Variants in EML1 observed in about 807,000 individuals in gnomAD.
EML1 encodes EMAP like 1.
A neutral mutation model predicts 110.4 loss-of-function variants in EML1; 27 were observed. That is an observed-to-expected ratio of 0.24 (90% CI 0.18 to 0.34). The LOEUF is 0.34. Among genes scored for constraint, EML1 ranks in the 10% least tolerant of loss-of-function variants. The pLI is 1.00. For synonymous variants in EML1, 344 were observed against 385.8 expected, an observed-to-expected ratio of 0.89 and a Z score of 1.27; for missense variants, 741 against 1,030.9, an observed-to-expected ratio of 0.72 and a Z score of 3.85.
chr14:99,867,169 T>C lies in EML1; in HGVS notation c.383+1523T>C, dbSNP rs560910545. Among the ~76,000 whole-genome samples, 8 of 152,332 alleles carry C rather than the reference T, an allele frequency of 5.3e-5. No individual in the cohort carries two copies. The East Asian group carries it at 1.5e-3, about 29-fold the overall frequency. ...TACATTCATCCATCAGTGGCTATTC[T>C]GTACCATTTATCTGCACATCTGTCC... is the stretch of plus-strand genomic sequence containing the variant. On this transcript the variant is annotated intron_variant, in intron 3 of 21. Coordinates refer to ENST00000262233, the MANE Select transcript of EML1 (RefSeq NM_004434.3).
At chr14:99,885,556 G>C (rs1447641336) in intron 4 of EML1, among the ~76,000 whole-genome samples, 1 of 152,160 alleles carries the variant, frequency 6.6e-6, no homozygotes, top group African/African-American at 2.4e-5. Context: ...CCACCTATGG[G>C]TAGACAATTT....
chr14:99,936,101 A>C lies in EML1; in HGVS notation c.1982A>C (p.Lys661Thr). The C allele has an allele frequency of 6.2e-7, 1 of 1,614,166 alleles. No homozygotes were observed. The change falls in exon 18 of 22, where the codon AAG becomes ACG. Residue 661 changes from lysine to threonine, a missense_variant. By Grantham distance (78) the Lys-to-Thr change is moderately conservative. Transcript: ENST00000262233. This position sits in a 1 kb window ranked among gnomAD's most constrained non-coding sequence, Gnocchi z 5.5. ...YIYGVSDNGR[K>T]YTRVGKCSGH... ...TATGGCGTTAGTGACAACGGGAGGA[A>C]GTACACGCGAGTGGGCAAGTGCTCG...
chr14:99,750,484 G>A (rs996988955), intron 1 of EML1, among the ~76,000 whole-genome samples: 7 of 152,180 alleles, frequency 4.6e-5, no homozygotes, highest in African/African-American at 1.4e-4. Flanking sequence ...ATTCAAGCTC[G>A]CCACCAAGTG....
intron 2 of EML1, among the ~76,000 whole-genome samples, chr14:99,855,230 A>G (rs1473983753): frequency 2.0e-5 from 3 of 152,260 alleles, no homozygotes; most frequent in Admixed American, 1.3e-4. Context: ...AGTACTGTAT[A>G]GCAAAAGTAA....
chr14:99,903,785 ATTT>A (rs1211025934), intron 9 of EML1, among the ~76,000 whole-genome samples: 1 of 103,280 alleles, frequency 9.7e-6, no homozygotes, highest in Non-Finnish European at 1.8e-5. Context: ...AAATCTATTC[ATTT>A]TTTTTTTTTT....
At chr14:99,928,992 C>T (rs1379911858) in intron 17 of EML1, among the ~76,000 whole-genome samples, 1 of 152,220 alleles carries the variant, frequency 6.6e-6, no homozygotes, top group Non-Finnish European at 1.5e-5. Flanking sequence ...TTTTGAACGT[C>T]TGCTGAAGGC....
chr14:99,787,003 A>G (rs994941184), intron 1 of EML1, among the ~76,000 whole-genome samples: 1 of 152,174 alleles, frequency 6.6e-6, no homozygotes, highest in African/African-American at 2.4e-5. Context: ...ATAAAAATAA[A>G]CAACAATCTT....
At chr14:99,935,781 C>CAAAAAAAAAAAAAAAAAAAAAAAAAAAAA (rs1160100015) in intron 17 of EML1, among the ~76,000 whole-genome samples, 1 of 83,730 alleles carries the variant, frequency 1.2e-5, no homozygotes, top group African/African-American at 4.9e-5. Context: ...GACTCCGTCT[C>CAAAAAAAAAAAAAAAAAAAAAAAAAAAAA]AAAAAAAAAA....
intron 1 of EML1, among the ~76,000 whole-genome samples, chr14:99,804,601 G>A (rs114232443): frequency 0.01 from 1,529 of 152,268 alleles, 22 homozygotes; most frequent in African/African-American, 0.034. Context: ...TGCTCGATGA[G>A]TGAATGATGG....
At chr14:99,817,635 C>A (rs1180161121) in intron 1 of EML1, among the ~76,000 whole-genome samples, 4 of 152,138 alleles carry the variant, frequency 2.6e-5, no homozygotes, top group Non-Finnish European at 4.4e-5. Flanking sequence ...GTCTGTGGAC[C>A]ACACTTTTAG....
intron 1 of EML1, among the ~76,000 whole-genome samples, chr14:99,807,387 TAG>T (rs1396278739): frequency 1.3e-5 from 2 of 152,206 alleles, no homozygotes; most frequent in African/African-American, 4.8e-5. Flanking sequence ...AAGGCGATTC[TAG>T]AGAGTCCTGG....
intron 4 of EML1, among the ~76,000 whole-genome samples, chr14:99,884,531 G>A (rs1309486536): frequency 6.6e-6 from 1 of 152,106 alleles, no homozygotes; most frequent in Admixed American, 6.5e-5. Flanking sequence ...CTCACAAATG[G>A]GAGAACAAGA....
chr14:99,848,066 GT>G (rs1226424730), intron 1 of EML1, among the ~76,000 whole-genome samples: 1 of 151,802 alleles, frequency 6.6e-6, no homozygotes, highest in African/African-American at 2.4e-5. Flanking sequence ...TTTATTTTTT[GT>G]TTTTTACTTG....
At position 99,939,379 on chromosome 14, in the gene EML1, C is replaced by T. The variant is rs1323703564; in HGVS notation, c.2322+52C>T. On this transcript the variant is annotated intron_variant, in intron 21 of 21. Coordinates refer to ENST00000262233, the MANE Select transcript of EML1 (RefSeq NM_004434.3). The surrounding 1 kb of genome is among the most constrained non-coding windows in gnomAD (Gnocchi z 4.2). ...TTATCCCCCATGGGGCATGCACGTA[C>T]ACCCGACCTGTTTGGAGACTAAGTG... 1 of 1,602,522 alleles carries T rather than the reference C, an allele frequency of 6.2e-7. No individual in the cohort carries two copies. The highest frequency in any genetic ancestry group is 1.3e-5 in the African/African-American group (1 of 74,766).
At chr14:99,761,407 G>A (rs1056350428) in intron 1 of EML1, among the ~76,000 whole-genome samples, 7 of 152,184 alleles carry the variant, frequency 4.6e-5, no homozygotes, top group South Asian at 2.1e-4. Flanking sequence ...CTGGCAGAGC[G>A]GTGTGCTGGG....
chr14:99,865,562 G>A lies in EML1; in HGVS notation c.299G>A (p.Gly100Asp), dbSNP rs1488503869. Residue 100 changes from glycine (G) to aspartate (D), a missense_variant, in exon 3 of 22, where the codon GGC (glycine) becomes GAC (aspartate). Transcript: ENST00000262233. ...CCTTTAAGAACCACGGTCAACAATG[G>A]CACTGTGTTACCAAAGAAACCTACT... ...TLPLRTTVNNGTVLPKKPTGS... is the reference protein window; with the variant it reads ...TLPLRTTVNNDTVLPKKPTGS... 3 of 1,614,084 alleles carry A rather than the reference G, an allele frequency of 1.9e-6. No individual in the cohort carries two copies. The African/African-American group carries it at 4.0e-5, about 22-fold the overall frequency.
intron 1 of EML1, among the ~76,000 whole-genome samples, chr14:99,801,225 C>T (rs970676383): frequency 6.6e-6 from 1 of 152,188 alleles, no homozygotes; most frequent in African/African-American, 2.4e-5. Flanking sequence ...GACTTGAGTC[C>T]GTTTGGCAAA....
chr14:99,755,562 G>T (rs1465584883), intron 1 of EML1, among the ~76,000 whole-genome samples: 2 of 152,280 alleles, frequency 1.3e-5, no homozygotes, highest in East Asian at 3.9e-4. Flanking sequence ...GGAGAGCTGG[G>T]GGCAAAGGAG....
intron 1 of EML1, among the ~76,000 whole-genome samples, chr14:99,785,128 C>T (rs980147893): frequency 6.6e-6 from 1 of 152,020 alleles, no homozygotes; most frequent in Admixed American, 6.5e-5. Flanking sequence ...GATCTCGGCT[C>T]ACTGCAACCT....
Sources: gnomAD v4.1 joint callset for allele counts (sites outside exome capture counted in the v4.1 genomes callset) on GRCh38, gnomAD v4.1.1 for gene constraint, Gnocchi (gnomAD v3.1) non-coding constraint, MANE v1.5 for transcripts, NCBI Gene and HGNC (gene_info 2026-07-23, HGNC 2026-07-21) for gene names.